Variants in WDR4 observed in about 807,000 individuals in gnomAD.
WDR4 encodes the protein WDR4 tRNA N7-guanosine methyltransferase non-catalytic subunit.
Under a neutral mutation model 48.6 loss-of-function variants are expected in WDR4, and 47 were observed. The ratio of observed to expected loss-of-function variants is 0.97; its 90% CI spans 0.77 to 1.23. The LOEUF is 1.23. Among genes scored for constraint, WDR4 ranks in the 50% most tolerant of loss-of-function variants. The pLI, the probability that WDR4 is intolerant of heterozygous loss-of-function variation, is 0.00. For missense variants in WDR4, 606 were observed against 551.6 expected (o/e 1.10, Z -0.99); for synonymous variants, 268 against 230.0 (o/e 1.17, Z -1.49).
At chr21:42,855,867 G>C in intron 6 of WDR4, 87 bp from the exon 7 acceptor site, 1 of 1,113,098 alleles carries the variant, frequency 9.0e-7, no homozygotes, top group Non-Finnish European at 1.2e-6. Flanking sequence ...GTGTGGTCGG[G>C]GTTCCACTCC....
intron 3 of WDR4, among the ~76,000 whole-genome samples, chr21:42,867,764 T>C (rs891789911): frequency 2.0e-5 from 3 of 151,990 alleles, no homozygotes; most frequent in East Asian, 1.9e-4. Context: ...GATCTCACTA[T>C]GTTGAGGCCA....
At chr21:42,876,523 C>T (rs2058496379) in intron 2 of WDR4, among the ~76,000 whole-genome samples, 179 bp downstream of exon 2, 1 of 152,132 alleles carries the variant, frequency 6.6e-6, no homozygotes. Flanking sequence ...CAACAATGTA[C>T]TCTTAATGCC....
In WDR4 at chr21:42,862,203, C is replaced by G. The variant is rs772146785; in HGVS notation, c.566+79G>C. 3 of 1,346,044 alleles carry G rather than the reference C, an allele frequency of 2.2e-6. No individual in the cohort carries two copies. In the African/African-American group the frequency reaches 4.3e-5, roughly 20 times the overall value. The allele number at this position is 1,346,044 out of a possible 1,614,324, so 83.4% of individuals were successfully genotyped here. A position where few individuals can be genotyped will look rare whatever the true frequency, so the allele number is the denominator to read the frequency against. ...CCGCGTGGGGCCTCGCCAGCTACAA[C>G]GGCACCTGCTGAGCCGCAAGCTGAC... On this transcript the variant is annotated intron_variant, in intron 5 of 10. Transcript: ENST00000398208. The surrounding 1 kb of genome is among the most constrained non-coding windows in gnomAD (Gnocchi z 4.3).
At chr21:42,866,495 C>T (rs935304012) in intron 3 of WDR4, among the ~76,000 whole-genome samples, 6 of 152,128 alleles carry the variant, frequency 3.9e-5, no homozygotes, top group Non-Finnish European at 8.8e-5. Context: ...ATGTGCTAAG[C>T]GTGGGCGGTT....
chr21:42,863,949 T>G (rs2058183521), intron 3 of WDR4, among the ~76,000 whole-genome samples: 1 of 83,370 alleles, frequency 1.2e-5, no homozygotes, highest in Admixed American at 8.8e-5. Context: ...CTACTAAAAA[T>G]ACAAAAAATT....
chr21:42,860,277 T>C (rs1248900873), intron 5 of WDR4, among the ~76,000 whole-genome samples: 3 of 152,110 alleles, frequency 2.0e-5, no homozygotes, highest in Non-Finnish European at 2.9e-5. Context: ...CAGACAGCTG[T>C]CTCTGCTGAG....
intron 3 of WDR4, among the ~76,000 whole-genome samples, chr21:42,865,242 G>A (rs755142202): frequency 7.2e-5 from 11 of 152,314 alleles, no homozygotes; most frequent in South Asian, 4.1e-4. Flanking sequence ...AGATAATTAC[G>A]CTCTGGGGCA....
downstream of WDR4, among the ~76,000 whole-genome samples, chr21:42,847,948 A>G (rs2057725437): frequency 2.6e-5 from 4 of 152,332 alleles, no homozygotes; most frequent in South Asian, 8.3e-4. Flanking sequence ...TGGCAGCGTG[A>G]AGGAGGCCAG....
Position 42,862,317 on chromosome 21 carries a change from G to A in WDR4, c.531C>T (p.Pro177=), listed in dbSNP as rs746202416. The change falls in exon 5 of 11, where the codon CCC becomes CCT. Residue 177 remains proline (P), a synonymous_variant. Coordinates refer to ENST00000398208, the MANE Select transcript of WDR4 (RefSeq NM_018669.6). The surrounding 1 kb of genome is among the most constrained non-coding windows in gnomAD (Gnocchi z 4.3). ...EKIRVSWAAA[P]HSIESFCLGH... Reference sequence around the variant, plus strand: ...CCAAGCAGAAGGACTCGATGCTATGGGGCGCCGCGGCCCAGCTGACTCGGA... The same window carrying A: ...CCAAGCAGAAGGACTCGATGCTATGAGGCGCCGCGGCCCAGCTGACTCGGA... 6.2e-7 allele frequency: 1 copy of A among 1,611,376 alleles called. No individual in the cohort carries two copies. Among genetic ancestry groups the A allele is most frequent in the South Asian group, 1.1e-5 (1 of 90,448 alleles).
chr21:42,850,922 C>T lies in WDR4; in HGVS notation c.1046-680G>A, dbSNP rs563954514. ...CTGGCCAGGAAACCACAGGCCCAGC[C>T]GGTAACCCGCGCACCAGCGACTGCC... On this transcript the variant is annotated intron_variant, in intron 10 of 10. Transcript: ENST00000398208. 9.8e-5 allele frequency among the ~76,000 whole-genome samples: 15 copies of T among 152,306 alleles called. No individual in the cohort carries two copies. The East Asian group carries it at 2.7e-3, about 27-fold the overall frequency.
chr21:42,866,009 C>T (rs546667879), intron 3 of WDR4, among the ~76,000 whole-genome samples: 109 of 152,304 alleles, frequency 7.2e-4, no homozygotes, highest in Middle Eastern at 3.4e-3. Context: ...TCTCTCTCCA[C>T]CCCCTGGGCA....
Position 42,843,743 on chromosome 21 carries a change from T to C in WDR4, c.*9-462A>G, listed in dbSNP as rs142784462. ...CATGTGCCCAGCTAATTTTTTATAT[T>C]TTTAGTAGAGACAGGGTTTCACCAT... On this transcript the variant is annotated intron_variant, in intron 11 of 11. Coordinates refer to the WDR4 transcript ENST00000330317. Among the ~76,000 whole-genome samples the C allele has an allele frequency of 7.1e-3, 1,086 of 152,288 alleles. 13 individuals are homozygous for C. Among genetic ancestry groups the C allele is most frequent in the East Asian group, 0.031 (160 of 5,192 alleles).
chr21:42,864,107 CAAAAAAAAAAA>C (rs776906461), intron 3 of WDR4, among the ~76,000 whole-genome samples: 12 of 50,546 alleles, frequency 2.4e-4, no homozygotes, highest in African/African-American at 6.7e-4. Flanking sequence ...GACTCCGTCT[CAAAAAAAAAAA>C]AAAAAAAAAA....
upstream of WDR4, among the ~76,000 whole-genome samples, chr21:42,881,109 T>C (rs1200597243): frequency 3.3e-5 from 5 of 152,188 alleles, no homozygotes; most frequent in African/African-American, 4.8e-5. Context: ...GGTTTCACCA[T>C]GTTAGCCAGG....
chr21:42,846,648 GGCT>G (rs2057713533), downstream of WDR4, among the ~76,000 whole-genome samples: 1 of 152,146 alleles, frequency 6.6e-6, no homozygotes, highest in Non-Finnish European at 1.5e-5. Context: ...GGGAGGTTGA[GGCT>G]GCTGTGAGCT....
At chr21:42,884,498 T>G (rs2058624723), upstream of WDR4, among the ~76,000 whole-genome samples, 1 of 151,754 alleles carries the variant, frequency 6.6e-6, no homozygotes, top group Admixed American at 6.6e-5. Context: ...AATACAAAAA[T>G]TAGCTGGTCG....
chr21:42,888,686 A>G, the WDR4 span, among the ~76,000 whole-genome samples: 1 of 151,408 alleles, frequency 6.6e-6, no homozygotes, highest in Non-Finnish European at 1.5e-5. Flanking sequence ...AATATACAGT[A>G]TAAAGGTTTA....
intron 3 of WDR4, among the ~76,000 whole-genome samples, chr21:42,868,708 A>G (rs2058304894): frequency 6.6e-6 from 1 of 152,016 alleles, no homozygotes; most frequent in South Asian, 2.1e-4. Context: ...CAAGGTGTCC[A>G]CTCCACCTCT....
At chr21:42,845,092 C>T (rs923164325), downstream of WDR4, among the ~76,000 whole-genome samples, 9 of 152,182 alleles carry the variant, frequency 5.9e-5, no homozygotes, top group East Asian at 3.9e-4. Flanking sequence ...CTGGAGATAC[C>T]GTGTGGGGGC....
Sources: allele counts gnomAD v4.1 joint callset (sites outside exome capture counted in the v4.1 genomes callset), GRCh38; gene constraint gnomAD v4.1.1; non-coding constraint Gnocchi (gnomAD v3.1); transcripts MANE v1.5; gene names NCBI Gene and HGNC (gene_info 2026-07-23, HGNC 2026-07-21).